The following SASH1 variants were observed in gnomAD, a reference collection of about 807,000 sequenced individuals.
SASH1 encodes SAM and SH3 domain-containing protein 1.
Under a neutral mutation model 125.2 loss-of-function variants are expected in SASH1, and 44 were observed. The observed-to-expected ratio is 0.35, with a 90% CI of 0.28 to 0.45. The LOEUF (loss-of-function observed/expected upper bound fraction) is 0.45, where lower values mean the gene tolerates loss of function less well. Among genes scored for constraint, SASH1 ranks in the 20% least tolerant of loss-of-function variants. The pLI, the probability that SASH1 is intolerant of heterozygous loss-of-function variation, is 1.00. For synonymous variants in SASH1, 639 were observed against 649.1 expected, an observed-to-expected ratio of 0.98 and a Z score of 0.24; for missense variants, 1,426 against 1,614.5, an observed-to-expected ratio of 0.88 and a Z score of 2.00.
intron 6 of SASH1, among the ~76,000 whole-genome samples, chr6:148,472,710 T>C (rs1778174250): frequency 6.6e-6 from 1 of 152,156 alleles, no homozygotes; most frequent in African/African-American, 2.4e-5. Context: ...TATTTTTGGA[T>C]TGATTGATTA....
intron 1 of SASH1, among the ~76,000 whole-genome samples, chr6:148,331,763 C>T (rs947670745): frequency 6.6e-6 from 1 of 152,078 alleles, no homozygotes; most frequent in Non-Finnish European, 1.5e-5. Context: ...ACAATCATGG[C>T]TCATTGCAGC....
In SASH1 at chr6:148,549,276, T is replaced by C. The variant is rs1046251936; in HGVS notation, c.*718T>C. On this transcript the variant is annotated 3_prime_UTR_variant, in exon 20 of 20. Transcript: ENST00000367467. ...TGTTTCCAGCAAAAGTGAGCTTTTC[T>C]AATCGTCTCATTGTAACATGGCTTA... The C allele has an allele frequency of 7.9e-5, 18 of 227,478 alleles. No homozygotes were observed. The highest frequency in any genetic ancestry group is 3.8e-4 in the African/African-American group (17 of 44,696). The allele number at this position is 227,478 out of a possible 1,614,324, so 14.1% of individuals were successfully genotyped here.
chr6:148,202,770 G>A, the SASH1 span, among the ~76,000 whole-genome samples: 4 of 152,202 alleles, frequency 2.6e-5, no homozygotes, highest in South Asian at 2.1e-4. Flanking sequence ...CCTGGCCAAC[G>A]TGGCGAAATT....
At position 148,511,380 on chromosome 6, in the gene SASH1, A is replaced by G. The variant is rs1780126777; in HGVS notation, c.730-2944A>G. Among the ~76,000 whole-genome samples, 3 of 147,012 alleles carry G rather than the reference A, an allele frequency of 2.0e-5. No individual in the cohort carries two copies. The South Asian group carries it at 6.5e-4, about 32-fold the overall frequency. On this transcript the variant is annotated intron_variant, in intron 8 of 19. Coordinates refer to ENST00000367467, the MANE Select transcript of SASH1 (RefSeq NM_015278.5). ...ACACACACACACACACACACCTTGG[A>G]TGACCTGGATTTTATATTGCATTTT...
intron 17 of SASH1, among the ~76,000 whole-genome samples, chr6:148,541,884 A>G (rs1284135712): frequency 5.3e-5 from 8 of 152,212 alleles, no homozygotes; most frequent in Non-Finnish European, 1.2e-4. Flanking sequence ...CCCAAACTAT[A>G]TATAATATTC....
At chr6:148,436,716 C>G (rs1776304176) in intron 2 of SASH1, among the ~76,000 whole-genome samples, 2 of 152,234 alleles carry the variant, frequency 1.3e-5, no homozygotes, top group South Asian at 2.1e-4. Context: ...TCATCCCCAG[C>G]TTTTGCATGT....
intron 8 of SASH1, among the ~76,000 whole-genome samples, chr6:148,491,245 G>GA (rs1173490905): frequency 6.6e-6 from 1 of 152,148 alleles, no homozygotes; most frequent in Non-Finnish European, 1.5e-5. Flanking sequence ...ATTTCAAGAA[G>GA]AGCATTGTAT....
intron 1 of SASH1, among the ~76,000 whole-genome samples, chr6:148,332,537 A>T (rs1781025949): frequency 6.6e-6 from 1 of 152,126 alleles, no homozygotes; most frequent in Non-Finnish European, 1.5e-5. Flanking sequence ...ATGCATTTTA[A>T]TTTCAATATT....
chr6:148,316,467 C>T (rs1780481922), intron 1 of SASH1, among the ~76,000 whole-genome samples: 1 of 152,310 alleles, frequency 6.6e-6, no homozygotes, highest in African/African-American at 2.4e-5. Context: ...GGGTACAGAG[C>T]ATAGATATAT....
intron 1 of SASH1, among the ~76,000 whole-genome samples, chr6:148,315,382 CTAA>C (rs1168535689): frequency 3.9e-5 from 6 of 152,156 alleles, no homozygotes; most frequent in African/African-American, 1.4e-4. Flanking sequence ...CATTTAATAA[CTAA>C]GAAAGTGAAC....
intron 11 of SASH1, 113 bp from the exon 12 acceptor site, chr6:148,527,340 A>G (rs969159934): frequency 3.2e-6 from 3 of 930,976 alleles, no homozygotes; most frequent in African/African-American, 1.7e-5. Context: ...AAAAACGTCA[A>G]GATCCATGAG....
At chr6:148,377,549 G>A (rs1782962442) in intron 1 of SASH1, among the ~76,000 whole-genome samples, 1 of 152,198 alleles carries the variant, frequency 6.6e-6, no homozygotes, top group South Asian at 2.1e-4. Context: ...TAAATAATTA[G>A]AAATCAATAA....
chr6:148,246,923 C>T, the SASH1 span, among the ~76,000 whole-genome samples: 12 of 152,140 alleles, frequency 7.9e-5, no homozygotes, highest in Non-Finnish European at 1.5e-4. Context: ...TGTACTTGTA[C>T]TAAGTGTTTG....
chr6:148,263,178 ATGAGTCAG>A, the SASH1 span, among the ~76,000 whole-genome samples: 6,033 of 152,270 alleles, frequency 0.04, 154 homozygotes, highest in Non-Finnish European at 0.059. Flanking sequence ...GAAAAACCTG[ATGAGTCAG>A]TGAATGAATA....
At chr6:148,248,010 T>G in the SASH1 span, among the ~76,000 whole-genome samples, 2 of 152,234 alleles carry the variant, frequency 1.3e-5, no homozygotes, top group African/African-American at 4.8e-5. Flanking sequence ...TACTGCATTA[T>G]GTATTGATTT....
chr6:148,448,153 C>T (rs115777027), intron 4 of SASH1, among the ~76,000 whole-genome samples: 3,122 of 128,572 alleles, frequency 0.024, 38 homozygotes, highest in Middle Eastern at 0.063. Context: ...TGTGTGTGTG[C>T]GTGCGTGCGT....
At chr6:148,375,801 T>G (rs1782868611) in intron 1 of SASH1, among the ~76,000 whole-genome samples, 2 of 152,194 alleles carry the variant, frequency 1.3e-5, no homozygotes. Context: ...TTCCTGTATA[T>G]TACAGATCAG....
At chr6:148,491,418 C>T (rs774223123) in intron 8 of SASH1, among the ~76,000 whole-genome samples, 24 of 152,192 alleles carry the variant, frequency 1.6e-4, no homozygotes, top group Non-Finnish European at 2.2e-4. Flanking sequence ...TATAGGCATG[C>T]GCCACGACGC....
Position 148,529,853 on chromosome 6 carries a change from C to A in SASH1, c.1429-1673C>A, listed in dbSNP as rs1194933446. 6.6e-6 allele frequency among the ~76,000 whole-genome samples: 1 copy of A among 151,956 alleles called. No homozygotes were observed. Among genetic ancestry groups the A allele is most frequent in the Non-Finnish European group, 1.5e-5 (1 of 68,000 alleles). ...ACGGAGTGTCACTCTGTCACCCAGG[C>A]TGGAGTGCAATGGTGTGGCCTCGGC... On this transcript the variant is annotated intron_variant, in intron 12 of 19. Coordinates refer to ENST00000367467, the MANE Select transcript of SASH1 (RefSeq NM_015278.5). The surrounding 1 kb of genome is among the most constrained non-coding windows in gnomAD (Gnocchi z 4.2).
Sources: allele counts gnomAD v4.1 joint callset (sites outside exome capture counted in the v4.1 genomes callset), GRCh38; gene constraint gnomAD v4.1.1; non-coding constraint Gnocchi (gnomAD v3.1); transcripts MANE v1.5; gene names NCBI Gene and HGNC (gene_info 2026-07-23, HGNC 2026-07-21).